Variants in HUS1 observed in about 807,000 individuals in gnomAD.
HUS1 encodes the protein HUS1 checkpoint clamp component.
HUS1 carries 31 observed loss-of-function variants against 32.6 expected under a neutral mutation model. The observed-to-expected ratio is 0.95, with a 90% CI of 0.72 to 1.28. The LOEUF is 1.28. HUS1 is among the 50% of genes most tolerant of loss of function. HUS1 has a pLI of 0.00. For synonymous variants in HUS1, 123 were observed against 116.6 expected, an observed-to-expected ratio of 1.06 and a Z score of -0.36; for missense variants, 340 against 337.7, an observed-to-expected ratio of 1.01 and a Z score of -0.05.
At chr7:47,972,675 C>T (rs554910723) in intron 5 of HUS1, among the ~76,000 whole-genome samples, 6 of 152,276 alleles carry the variant, frequency 3.9e-5, no homozygotes, top group African/African-American at 1.2e-4. Context: ...GACGAAGCCC[C>T]TGTCATAGCT....
In HUS1 at chr7:47,965,409, C is replaced by A; in HGVS notation, c.790G>T (p.Asp264Tyr). ...AGGGACACGTCTTCATGAAGCAGAT[C>A]AAAATGCACCATCTTGTTATTCACA... ...NIVNNKMVHF[D>Y]LLHEDVSLQY... The change falls in exon 8 of 8, where the codon GAT becomes TAT. Residue 264 changes from aspartate (D) to tyrosine (Y), a missense_variant. By Grantham distance (160) the Asp-to-Tyr change is radical (BLOSUM62 -3). Coordinates refer to ENST00000258774, the MANE Select transcript of HUS1 (RefSeq NM_004507.4). 1.9e-6 allele frequency: 3 copies of A among 1,613,404 alleles called. No individual in the cohort carries two copies. The highest frequency in any genetic ancestry group is 2.2e-5 in the East Asian group (1 of 44,858).
chr7:47,973,155 C>T (rs1788632505), intron 5 of HUS1, among the ~76,000 whole-genome samples: 1 of 152,310 alleles, frequency 6.6e-6, no homozygotes, highest in South Asian at 2.1e-4. Context: ...TTTCCTGAGG[C>T]CTCCTCAGCT....
chr7:47,976,906 G>A, intron 3 of HUS1, 69 bp from the exon 4 acceptor site: 3 of 1,036,630 alleles, frequency 2.9e-6, no homozygotes, highest in Non-Finnish European at 4.4e-6. Context: ...CAAACCCGAA[G>A]ACCCGGGACA....
intron 3 of HUS1, among the ~76,000 whole-genome samples, chr7:47,978,015 T>C (rs908569956): frequency 6.6e-6 from 1 of 152,200 alleles, no homozygotes; most frequent in Admixed American, 6.5e-5. Flanking sequence ...CATCTGGCAG[T>C]AGCATATAAA....
At position 47,970,606 on chromosome 7, in the gene HUS1, A is replaced by G. The variant is rs1240015239; in HGVS notation, c.541-1288T>C. 3.3e-5 allele frequency among the ~76,000 whole-genome samples: 5 copies of G among 152,238 alleles called. No homozygotes were observed. The East Asian group carries it at 9.6e-4, about 29-fold the overall frequency. ...AACAAAGCACTGGAAAAGAAATGCT[A>G]TCAACTACAGCTCAAAACTTTCCTG... On this transcript the variant is annotated intron_variant, in intron 5 of 7. Transcript: ENST00000258774.
At chr7:47,978,636 C>G in intron 2 of HUS1, 43 bp from the exon 3 acceptor site, 2 of 1,612,630 alleles carry the variant, frequency 1.2e-6, no homozygotes, top group Non-Finnish European at 1.7e-6. Flanking sequence ...TATATGTGAT[C>G]TTTCCAGTGA....
At chr7:47,966,208 T>G (rs940625103) in intron 7 of HUS1, among the ~76,000 whole-genome samples, 1 of 151,892 alleles carries the variant, frequency 6.6e-6, no homozygotes, top group Admixed American at 6.6e-5. Flanking sequence ...AGGACCTAGC[T>G]AGAGGAGGGG....
rs371273157 is a variant in HUS1, at chr7:47,969,316, A to C, written c.543T>G (p.Val181=). The change falls in exon 6 of 8, where the codon GTT becomes GTG. Residue 181 remains valine, a splice_region_variant and synonymous_variant. Coordinates refer to ENST00000258774, the MANE Select transcript of HUS1 (RefSeq NM_004507.4). ...ATTCTCCATCTAGGTTTGCTTCAATAACCTGCAAATTGAGTATTTTACATA... is the reference window on the plus strand; with the variant it reads ...ATTCTCCATCTAGGTTTGCTTCAATCACCTGCAAATTGAGTATTTTACATA... ...EKMKNISNHL[V]IEANLDGELN... 5 of 1,545,314 alleles carry C rather than the reference A, an allele frequency of 3.2e-6. No individual in the cohort carries two copies. In the African/African-American group the frequency reaches 6.8e-5, roughly 21 times the overall value.
chr7:47,967,773 A>T, intron 7 of HUS1, 33 bp downstream of exon 7: 1 of 1,599,244 alleles, frequency 6.3e-7, no homozygotes, highest in Non-Finnish European at 8.5e-7. Flanking sequence ...AATATGAAAG[A>T]ATATGAAAAA....
chr7:47,979,507 C>T lies in HUS1; in HGVS notation c.13G>A (p.Ala5Thr), dbSNP rs929255655. The change falls in exon 1 of 8, where the codon GCC becomes ACC. Residue 5 changes from alanine to threonine, a missense_variant. Coordinates refer to ENST00000258774, the MANE Select transcript of HUS1 (RefSeq NM_004507.4). ...AGACAGGCCCCGTCCACGATCTTGG[C>T]CCGAAACTTCATGGCCGCGGATGGC... MKFRAKIVDGACLNH... is the reference protein window; with the variant it reads MKFRTKIVDGACLNH... 10 of 1,612,272 alleles carry T rather than the reference C, an allele frequency of 6.2e-6. No homozygotes were observed. The highest frequency in any genetic ancestry group is 1.3e-5 in the African/African-American group (1 of 74,924).
chr7:47,966,938 C>T lies in HUS1; in HGVS notation c.760+868G>A, dbSNP rs114963667. 4.6e-3 allele frequency among the ~76,000 whole-genome samples: 702 copies of T among 152,314 alleles called. 7 individuals carry two copies. Among genetic ancestry groups the T allele is most frequent in the African/African-American group, 0.016 (667 of 41,568 alleles). On this transcript the variant is annotated intron_variant, in intron 7 of 7. Coordinates refer to ENST00000258774, the MANE Select transcript of HUS1 (RefSeq NM_004507.4). ...CACTCCAACTGTGTGACACCTTCCC[C>T]AATTCCCAAACACCCATTGCCCCTC...
chr7:47,974,788 C>T (rs959982479), intron 5 of HUS1, among the ~76,000 whole-genome samples: 14 of 152,088 alleles, frequency 9.2e-5, no homozygotes, highest in Admixed American at 2.0e-4. Flanking sequence ...TGTAACATTT[C>T]GAGCCATGTG....
intron 7 of HUS1, among the ~76,000 whole-genome samples, chr7:47,965,936 G>A (rs887709369): frequency 6.6e-6 from 1 of 152,102 alleles, no homozygotes; most frequent in African/African-American, 2.4e-5. Flanking sequence ...CAACCAAGCA[G>A]GGAAGTAAAG....
chr7:47,966,773 T>C (rs1469006084), intron 7 of HUS1, among the ~76,000 whole-genome samples: 7 of 152,140 alleles, frequency 4.6e-5, no homozygotes, highest in Admixed American at 4.6e-4. Context: ...GCCCTAGAAA[T>C]ATGACATCGT....
At chr7:47,972,282 T>C (rs2708863) in intron 5 of HUS1, among the ~76,000 whole-genome samples, 176 of 152,312 alleles carry the variant, frequency 1.2e-3, no homozygotes, top group African/African-American at 3.5e-3. Flanking sequence ...TAAATACTTA[T>C]TTAAAAATGC....
At chr7:47,969,103 A>C in intron 6 of HUS1, 116 bp downstream of exon 6, 1 of 614,268 alleles carries the variant, frequency 1.6e-6, no homozygotes. Flanking sequence ...TCTTCACCCA[A>C]GCATGAAACA....
intron 7 of HUS1, among the ~76,000 whole-genome samples, chr7:47,967,561 T>C (rs2128764529): frequency 6.6e-6 from 1 of 152,306 alleles, no homozygotes; most frequent in African/African-American, 2.4e-5. Flanking sequence ...TACCAACCAG[T>C]GTGGCTGCAG....
At chr7:47,976,244 C>T in intron 4 of HUS1, 1 of 414,588 alleles carries the variant, frequency 2.4e-6, no homozygotes, top group Non-Finnish European at 4.8e-6. Flanking sequence ...TCTTCTTAAA[C>T]AAATTGTGAG....
rs200875322 is a variant in HUS1, at chr7:47,978,442, G to T, written c.332C>A (p.Pro111His). The change falls in exon 3 of 8, where the codon CCC becomes CAC. Residue 111 changes from proline to histidine, a missense_variant. Coordinates refer to ENST00000258774, the MANE Select transcript of HUS1 (RefSeq NM_004507.4). ...CAGCTCCACGGAGACCGTGAGGCAGGGAAAGTGTTTATTAGTCAGTTTGAT... is the reference window on the plus strand; with the variant it reads ...CAGCTCCACGGAGACCGTGAGGCAGTGAAAGTGTTTATTAGTCAGTTTGAT... The part of the protein sequence containing the change: ...LKIKLTNKHF[P>H]CLTVSVELLS... 2 of 1,614,188 alleles carry T rather than the reference G, an allele frequency of 1.2e-6. No homozygotes were observed. Among genetic ancestry groups the T allele is most frequent in the African/African-American group, 2.7e-5 (2 of 75,054 alleles).
Sources: gnomAD v4.1 joint callset for allele counts (sites outside exome capture counted in the v4.1 genomes callset) on GRCh38, gnomAD v4.1.1 for gene constraint, MANE v1.5 for transcripts, NCBI Gene and HGNC (gene_info 2026-07-23, HGNC 2026-07-21) for gene names.